Variants in SLC17A8 observed in about 807,000 individuals in gnomAD.
The protein encoded by SLC17A8 is solute carrier family 17 member 8, also known as vesicular glutamate transporter 3.
In SLC17A8, 31 loss-of-function variants were observed where a neutral mutation model predicts 58.0. The observed-to-expected ratio is 0.53, with a 90% CI of 0.40 to 0.72. The LOEUF is 0.72. Ranked by LOEUF, SLC17A8 falls within the 30% of genes least tolerant of loss-of-function variation. The pLI is 0.00. For missense variants in SLC17A8, 655 were observed against 727.8 expected, an observed-to-expected ratio of 0.90 and a Z score of 1.15; for synonymous variants, 228 against 249.0, an observed-to-expected ratio of 0.92 and a Z score of 0.79.
chr12:100,406,915 GTTGTCCTGTC>G (rs1952830125), intron 9 of SLC17A8, among the ~76,000 whole-genome samples: 1 of 152,170 alleles, frequency 6.6e-6, no homozygotes, highest in African/African-American at 2.4e-5. Context: ...GGTGATTTCA[GTTGTCCTGTC>G]TAGAGAAGAT....
At chr12:100,361,353 A>G (rs976104606) in intron 1 of SLC17A8, among the ~76,000 whole-genome samples, 5 of 152,216 alleles carry the variant, frequency 3.3e-5, no homozygotes, top group African/African-American at 9.6e-5. Context: ...AGAACTCCCC[A>G]GATTCACTCC....
At chr12:100,364,998 G>A (rs756247030) in intron 1 of SLC17A8, among the ~76,000 whole-genome samples, 1 of 152,174 alleles carries the variant, frequency 6.6e-6, no homozygotes, top group Non-Finnish European at 1.5e-5. Flanking sequence ...TTTGTTCACA[G>A]GTGTGAGCTC....
intron 1 of SLC17A8, among the ~76,000 whole-genome samples, chr12:100,366,050 CTTTTTTTTTTTTTT>C (rs67071341): frequency 3.3e-5 from 3 of 90,866 alleles, no homozygotes; most frequent in East Asian, 3.4e-4. Flanking sequence ...GTGATCCCTT[CTTTTTTTTTTTTTT>C]TTTTTTTTTT....
Position 100,420,338 on chromosome 12 carries a change from C to G in SLC17A8, c.*179C>G. On this transcript the variant is annotated 3_prime_UTR_variant, in exon 12 of 12. Coordinates refer to ENST00000323346, the MANE Select transcript of SLC17A8 (RefSeq NM_139319.3). ...TGACATGTATAGGTAAGGAGCTGCGCTCAGTTGATAACATAGTTGATAATA... is the reference window on the plus strand; with the variant it reads ...TGACATGTATAGGTAAGGAGCTGCGGTCAGTTGATAACATAGTTGATAATA... 1.7e-6 allele frequency: 1 copy of G among 603,992 alleles called. No homozygotes were observed. The highest frequency in any genetic ancestry group is 2.9e-6 in the Non-Finnish European group (1 of 341,298). The allele number at this position is 603,992 out of a possible 1,614,324, so 37.4% of individuals were successfully genotyped here.
intron 4 of SLC17A8, among the ~76,000 whole-genome samples, chr12:100,395,737 C>G (rs1168386000): frequency 1.3e-5 from 2 of 152,094 alleles, no homozygotes; most frequent in Non-Finnish European, 2.9e-5. Flanking sequence ...CTCAGCCTCC[C>G]AAGTAGTTGG....
chr12:100,399,252 C>T (rs1279921092), intron 5 of SLC17A8, among the ~76,000 whole-genome samples: 1 of 152,254 alleles, frequency 6.6e-6, no homozygotes, highest in African/African-American at 2.4e-5. Flanking sequence ...CTGCAGTCTG[C>T]TCCCCAGGGC....
chr12:100,370,950 A>C (rs924638901), intron 1 of SLC17A8, among the ~76,000 whole-genome samples: 4 of 106,096 alleles, frequency 3.8e-5, no homozygotes, highest in African/African-American at 2.0e-4. Flanking sequence ...ATCTACTGGA[A>C]GAGGCAAATA....
intron 3 of SLC17A8, among the ~76,000 whole-genome samples, chr12:100,391,833 T>C (rs998056870): frequency 6.6e-6 from 1 of 152,122 alleles, no homozygotes; most frequent in Non-Finnish European, 1.5e-5. Context: ...TCAGTTCCCC[T>C]TGACCAGTGA....
intron 1 of SLC17A8, among the ~76,000 whole-genome samples, chr12:100,360,111 G>A (rs1952475218): frequency 6.6e-6 from 1 of 152,158 alleles, no homozygotes. Flanking sequence ...GGCATGATTA[G>A]CTTTCCTGGA....
intron 10 of SLC17A8, among the ~76,000 whole-genome samples, chr12:100,413,329 G>T (rs375003123): frequency 4.6e-5 from 7 of 152,024 alleles, no homozygotes; most frequent in Admixed American, 1.3e-4. Context: ...TTAGATTTTT[G>T]TCTACTCCAT....
rs1009955665 is a variant in SLC17A8 at position 100,421,426 on chromosome 12, T to C, written c.*1267T>C. On this transcript the variant is annotated 3_prime_UTR_variant, in exon 12 of 12. Coordinates refer to ENST00000323346, the MANE Select transcript of SLC17A8 (RefSeq NM_139319.3). ...CAGAGAAATACTACAATGAAAACAT[T>C]TGGGGCAATTAGACCTACAGTTACT... is the stretch of plus-strand genomic sequence containing the variant. 2.0e-5 allele frequency: 3 copies of C among 152,082 alleles called. No individual in the cohort carries two copies. The highest frequency in any genetic ancestry group is 1.3e-4 in the Admixed American group (2 of 15,260). The allele number at this position is 152,082 out of a possible 1,614,324, so 9.4% of individuals were successfully genotyped here. A position where few individuals can be genotyped will look rare whatever the true frequency, so the allele number is the denominator to read the frequency against.
At chr12:100,378,355 C>T (rs1409338722) in intron 1 of SLC17A8, among the ~76,000 whole-genome samples, 1 of 152,072 alleles carries the variant, frequency 6.6e-6, no homozygotes, top group East Asian at 1.9e-4. Flanking sequence ...TGGACTGAGC[C>T]ATGAGGAGGG....
intron 2 of SLC17A8, among the ~76,000 whole-genome samples, chr12:100,389,173 T>G (rs1427757579): frequency 6.6e-6 from 1 of 152,216 alleles, no homozygotes; most frequent in East Asian, 1.9e-4. Context: ...GAATCACATT[T>G]TCAATGGCCT....
At chr12:100,380,674 T>C in intron 1 of SLC17A8, 27 bp from the exon 2 acceptor site, 1 of 1,613,950 alleles carries the variant, frequency 6.2e-7, no homozygotes, top group Non-Finnish European at 8.5e-7. Context: ...TGGCTTTTAT[T>C]TTCTGCCTAT....
chr12:100,419,779 T>G, intron 11 of SLC17A8, 36 bp from the exon 12 acceptor site: 1 of 1,599,194 alleles, frequency 6.3e-7, no homozygotes, highest in Non-Finnish European at 8.5e-7. Flanking sequence ...CTAGTTTTAG[T>G]TAAAACATTA....
intron 1 of SLC17A8, among the ~76,000 whole-genome samples, chr12:100,366,400 C>G (rs987654162): frequency 1.3e-5 from 2 of 152,166 alleles, no homozygotes; most frequent in African/African-American, 4.8e-5. Flanking sequence ...TGAGACGATC[C>G]TGTGCCAGGA....
At chr12:100,403,918 A>T in intron 8 of SLC17A8, 120 bp from the exon 9 acceptor site, 1 of 1,092,496 alleles carries the variant, frequency 9.2e-7, no homozygotes, top group South Asian at 1.3e-5. Context: ...CCACATAATT[A>T]GATGCTTAAA....
rs562771284 is a variant in SLC17A8 at position 100,385,106 on chromosome 12, C to T, written c.354+4153C>T. ...TCTGTGGGTTTGGGTTGCTGTCTCTCTCTCTCTCTCTGTGTGTGTGTGTGT... is the reference window on the plus strand; with the variant it reads ...TCTGTGGGTTTGGGTTGCTGTCTCTTTCTCTCTCTCTGTGTGTGTGTGTGT... On this transcript the variant is annotated intron_variant, in intron 2 of 11. Coordinates refer to ENST00000323346, the MANE Select transcript of SLC17A8 (RefSeq NM_139319.3). Among the ~76,000 whole-genome samples the T allele has an allele frequency of 1.8e-4, 27 of 150,002 alleles. No homozygotes were observed. In the South Asian group the frequency reaches 5.7e-3, roughly 32 times the overall value.
intron 2 of SLC17A8, among the ~76,000 whole-genome samples, chr12:100,385,768 G>T (rs570393701): frequency 6.6e-6 from 1 of 152,194 alleles, no homozygotes; most frequent in African/African-American, 2.4e-5. Context: ...GTTCCCTAAG[G>T]CTGCCGTAAC....
Sources: allele counts gnomAD v4.1 joint callset (sites outside exome capture counted in the v4.1 genomes callset), GRCh38; gene constraint gnomAD v4.1.1; transcripts MANE v1.5; gene names NCBI Gene and HGNC (gene_info 2026-07-23, HGNC 2026-07-21).